Variants in SLC25A31 observed in about 807,000 individuals in gnomAD.
SLC25A31 encodes the protein solute carrier family 25 member 31.
A neutral mutation model predicts 36.2 loss-of-function variants in SLC25A31; 40 were observed. The ratio of observed to expected loss-of-function variants is 1.10; its 90% confidence interval spans 0.86 to 1.44. The LOEUF is 1.44. Among genes scored for constraint, SLC25A31 ranks in the 40% most tolerant of loss-of-function variants. The pLI is 0.00. For synonymous variants in SLC25A31, 143 were observed against 149.7 expected, an observed-to-expected ratio of 0.96 and a Z score of 0.32; for missense variants, 350 against 397.1, an observed-to-expected ratio of 0.88 and a Z score of 1.01.
rs1368469902 is a variant in SLC25A31 at position 127,773,970 on chromosome 4, T to G, written c.*396T>G. ...TCTTTTGAAGTCATATGGTATGACA[T>G]ATTTCTTAAAAGCTTATCAATAGAT... On this transcript the variant is annotated 3_prime_UTR_variant, in exon 6 of 6. Coordinates refer to ENST00000281154, the MANE Select transcript of SLC25A31 (RefSeq NM_031291.4). 1.3e-5 allele frequency: 2 copies of G among 156,334 alleles called. No individual in the cohort carries two copies. The highest frequency in any genetic ancestry group is 6.4e-5 in the Admixed American group (1 of 15,580). 9.7% of individuals were successfully genotyped at this position (156,334 alleles called of 1,614,324 possible).
At chr4:127,737,618 A>G (rs1731656974) in intron 1 of SLC25A31, among the ~76,000 whole-genome samples, 1 of 151,972 alleles carries the variant, frequency 6.6e-6, no homozygotes, top group Non-Finnish European at 1.5e-5. Flanking sequence ...GCAGGGCACA[A>G]TCGTGACTTA....
chr4:127,759,095 G>A (rs1405169992), intron 2 of SLC25A31, among the ~76,000 whole-genome samples: 1 of 151,988 alleles, frequency 6.6e-6, no homozygotes, highest in Non-Finnish European at 1.5e-5. Context: ...GATTCTTCCA[G>A]TACATGAGCA....
At chr4:127,750,291 C>A (rs1731905185) in intron 2 of SLC25A31, among the ~76,000 whole-genome samples, 1 of 152,174 alleles carries the variant, frequency 6.6e-6, no homozygotes, top group Non-Finnish European at 1.5e-5. Context: ...AGGGTTACAT[C>A]ATGATAAACT....
chr4:127,761,089 G>C (rs1396527971), intron 2 of SLC25A31, among the ~76,000 whole-genome samples: 2 of 152,062 alleles, frequency 1.3e-5, no homozygotes, highest in Non-Finnish European at 2.9e-5. Flanking sequence ...ATAAATGCAG[G>C]ATCGTCACTC....
chr4:127,730,761 G>T lies in SLC25A31; in HGVS notation c.216G>T (p.Arg72=). The change falls in exon 1 of 6, where the codon CGG becomes CGT. Residue 72 remains arginine (R), a synonymous_variant. Coordinates refer to ENST00000281154, the MANE Select transcript of SLC25A31 (RefSeq NM_031291.4). Reference sequence around the variant, plus strand: ...AAGGCATGGTGGACTGCCTGGTGCGGATTCCTCGCGAGCAGGGTGCGTCAA... The same window carrying T: ...AAGGCATGGTGGACTGCCTGGTGCGTATTCCTCGCGAGCAGGGTGCGTCAA... The part of the protein sequence containing the change: ...RYKGMVDCLV[R]IPREQGFFSF... The T allele has an allele frequency of 1.2e-6, 2 of 1,610,918 alleles. No homozygotes were observed. Among genetic ancestry groups the T allele is most frequent in the Non-Finnish European group, 1.7e-6 (2 of 1,177,858 alleles).
chr4:127,770,714 A>C (rs1353357957), intron 5 of SLC25A31, among the ~76,000 whole-genome samples: 1 of 152,094 alleles, frequency 6.6e-6, no homozygotes, highest in Non-Finnish European at 1.5e-5. Context: ...AGTACAGAAA[A>C]AAAAATGGGA....
intron 2 of SLC25A31, among the ~76,000 whole-genome samples, chr4:127,754,892 T>C (rs889418106): frequency 1.3e-5 from 2 of 152,178 alleles, no homozygotes; most frequent in Non-Finnish European, 2.9e-5. Flanking sequence ...CCACCTGGTT[T>C]TAAAATCTGC....
chr4:127,757,917 AGACTGG>A (rs1732059826), intron 2 of SLC25A31, among the ~76,000 whole-genome samples: 1 of 152,232 alleles, frequency 6.6e-6, no homozygotes, highest in Non-Finnish European at 1.5e-5. Flanking sequence ...GACATACCTG[AGACTGG>A]GAAGAAAAAC....
chr4:127,744,840 AATT>A (rs1318468986), intron 2 of SLC25A31, 41 bp downstream of exon 2: 2 of 1,320,948 alleles, frequency 1.5e-6, no homozygotes, highest in Non-Finnish European at 2.0e-6. Context: ...CCAATATAGA[AATT>A]TTCCATCCAA....
At chr4:127,751,132 A>G (rs1731923580) in intron 2 of SLC25A31, among the ~76,000 whole-genome samples, 1 of 152,194 alleles carries the variant, frequency 6.6e-6, no homozygotes, top group Admixed American at 6.5e-5. Context: ...CTAAGCCAGA[A>G]GAACAAAGCT....
chr4:127,771,050 A>G (rs1171783372), intron 5 of SLC25A31, among the ~76,000 whole-genome samples: 14 of 139,494 alleles, frequency 1.0e-4, no homozygotes, highest in African/African-American at 2.5e-4. Context: ...TCTGCCTCCC[A>G]GGTTCTAGCA....
chr4:127,748,497 G>A (rs905256351), intron 2 of SLC25A31, among the ~76,000 whole-genome samples: 1 of 152,092 alleles, frequency 6.6e-6, no homozygotes, highest in African/African-American at 2.4e-5. Flanking sequence ...TCCAGAGTTG[G>A]GAGGAAACCA....
intron 1 of SLC25A31, among the ~76,000 whole-genome samples, chr4:127,733,877 A>C (rs534887338): frequency 6.6e-6 from 1 of 152,308 alleles, no homozygotes; most frequent in Admixed American, 6.5e-5. Context: ...TCTTTCCATT[A>C]CAAGAATAGA....
intron 2 of SLC25A31, among the ~76,000 whole-genome samples, chr4:127,745,741 A>G (rs1488490294): frequency 6.6e-6 from 1 of 152,168 alleles, no homozygotes; most frequent in Non-Finnish European, 1.5e-5. Context: ...AAAGGTAACC[A>G]AGAAAATTCC....
intron 2 of SLC25A31, among the ~76,000 whole-genome samples, chr4:127,763,443 A>C (rs1484197923): frequency 2.6e-5 from 4 of 152,258 alleles, no homozygotes. Context: ...AAGTGCTTGC[A>C]GTGGCCTCGT....
At chr4:127,765,572 T>G (rs2148764186) in intron 3 of SLC25A31, among the ~76,000 whole-genome samples, 1 of 152,238 alleles carries the variant, frequency 6.6e-6, no homozygotes, top group East Asian at 1.9e-4. Flanking sequence ...CGTGTGTGAG[T>G]GTGTATATGC....
At chr4:127,744,016 G>T (rs1352988755) in intron 1 of SLC25A31, among the ~76,000 whole-genome samples, 1 of 152,108 alleles carries the variant, frequency 6.6e-6, no homozygotes, top group Non-Finnish European at 1.5e-5. Context: ...ATATCATAAG[G>T]ATAGTTCTGA....
chr4:127,739,917 C>A (rs1225609656), intron 1 of SLC25A31, among the ~76,000 whole-genome samples: 1 of 151,916 alleles, frequency 6.6e-6, no homozygotes, highest in Admixed American at 6.6e-5. Flanking sequence ...CTTTTCAATT[C>A]CATAAGATCT....
intron 2 of SLC25A31, among the ~76,000 whole-genome samples, chr4:127,760,636 CTT>C (rs1732109252): frequency 6.6e-6 from 1 of 152,240 alleles, no homozygotes; most frequent in African/African-American, 2.4e-5. Flanking sequence ...ATCATTGAGT[CTT>C]TTCACACAGT....
Sources: allele counts gnomAD v4.1 joint callset (sites outside exome capture counted in the v4.1 genomes callset), GRCh38; gene constraint gnomAD v4.1.1; transcripts MANE v1.5; gene names NCBI Gene and HGNC (gene_info 2026-07-23, HGNC 2026-07-21).